PHF20L1: variants seen among roughly 807,000 people sequenced by gnomAD.
The protein encoded by PHF20L1 is PHD finger protein 20 like 1.
A neutral mutation model predicts 125.5 loss-of-function variants in PHF20L1; 44 were observed. The observed-to-expected ratio is 0.35, with a 90% confidence interval of 0.28 to 0.45. The LOEUF (loss-of-function observed/expected upper bound fraction) is 0.45. Among genes scored for constraint, PHF20L1 ranks in the 20% least tolerant of loss-of-function variants. PHF20L1 has a pLI of 1.00. For synonymous variants in PHF20L1, 380 were observed against 403.1 expected (o/e 0.94, Z 0.69); for missense variants, 1,012 against 1,217.2 (o/e 0.83, Z 2.51).
At chr8:132,783,739 G>A (rs1830695642) in intron 2 of PHF20L1, among the ~76,000 whole-genome samples, 1 of 152,072 alleles carries the variant, frequency 6.6e-6, no homozygotes, top group East Asian at 1.9e-4. Flanking sequence ...ATTATTTTGA[G>A]TCATTACCTT....
chr8:132,835,246 C>G (rs1837222246), intron 15 of PHF20L1, among the ~76,000 whole-genome samples: 1 of 152,052 alleles, frequency 6.6e-6, no homozygotes, highest in African/African-American at 2.4e-5. Flanking sequence ...TTCTGATATT[C>G]TAGTAAGAGA....
rs201122244 is a variant in PHF20L1 at position 132,839,432 on chromosome 8, A to G, written c.2237A>G (p.Asn746Ser). Residue 746 changes from asparagine (N) to serine (S), a missense_variant, in exon 18 of 21, where the codon AAT becomes AGT. Physicochemically the swap from Asn to Ser is conservative, Grantham distance 46 (BLOSUM62 1). Around this residue, in one of 7 missense-constraint regions of PHF20L1, gnomAD observed 55 missense variants for 114.8 expected, o/e 0.48. Coordinates refer to ENST00000395386, the MANE Select transcript of PHF20L1 (RefSeq NM_016018.5). ...TATCGTTATGATAAGGAGTGGTTGA[A>G]TAATGGGAGAATGTGCGGGTTATCA... ...AKYRYDKEWLNNGRMCGLSFF... is the reference protein window; with the variant it reads ...AKYRYDKEWLSNGRMCGLSFF... 69 of 1,613,396 alleles carry G rather than the reference A, an allele frequency of 4.3e-5. No homozygotes were observed. The highest frequency in any genetic ancestry group is 4.0e-5 in the Non-Finnish European group (47 of 1,179,556).
intron 14 of PHF20L1, among the ~76,000 whole-genome samples, chr8:132,831,387 A>G (rs915945826): frequency 2.6e-5 from 4 of 151,636 alleles, no homozygotes; most frequent in Admixed American, 2.0e-4. Flanking sequence ...TTCCCTTACT[A>G]TACCCTCAAC....
At chr8:132,811,792 G>T in intron 9 of PHF20L1, 1 of 984,750 alleles carries the variant, frequency 1.0e-6, no homozygotes. Context: ...GGCACTGTAA[G>T]ACTATAAGAA....
At chr8:132,797,615 A>G (rs1255198463) in intron 4 of PHF20L1, among the ~76,000 whole-genome samples, 1 of 152,052 alleles carries the variant, frequency 6.6e-6, no homozygotes, top group African/African-American at 2.4e-5. Flanking sequence ...GGCATTCTCA[A>G]AATTTTTCCA....
intron 14 of PHF20L1, among the ~76,000 whole-genome samples, chr8:132,825,592 T>C (rs2131787543): frequency 6.6e-6 from 1 of 152,166 alleles, no homozygotes; most frequent in Non-Finnish European, 1.5e-5. Flanking sequence ...TTGTTGCAAC[T>C]GATTAGACAT....
intron 4 of PHF20L1, among the ~76,000 whole-genome samples, chr8:132,798,229 A>C (rs1245758168): frequency 6.6e-6 from 1 of 151,978 alleles, no homozygotes; most frequent in Non-Finnish European, 1.5e-5. Flanking sequence ...TGAGCTACTT[A>C]TGAAGACTTT....
chr8:132,842,511 T>A lies in PHF20L1; in HGVS notation c.2388-4T>A, dbSNP rs1838038024. 3 of 1,567,056 alleles carry A rather than the reference T, an allele frequency of 1.9e-6. 1 individual carries two copies. The East Asian group carries it at 6.7e-5, about 35-fold the overall frequency. On this transcript the variant is annotated splice_polypyrimidine_tract_variant and splice_region_variant and intron_variant, in intron 18 of 20. Coordinates refer to ENST00000395386, the MANE Select transcript of PHF20L1 (RefSeq NM_016018.5). ...AACTGCTGTTTTTCCAACTTTGTTT[T>A]AAGGAATAAACATCATCCTGACCTT...
In PHF20L1 at chr8:132,835,137, C is replaced by T. The variant is rs944488734; in HGVS notation, c.1910-1403C>T. On this transcript the variant is annotated intron_variant, in intron 15 of 20. Transcript: ENST00000395386. ...TCTCTCTCTGACTCTCTCCTTAGTTCTTCTACAAACATTCTGGAGTGGCTA... is the reference window on the plus strand; with the variant it reads ...TCTCTCTCTGACTCTCTCCTTAGTTTTTCTACAAACATTCTGGAGTGGCTA... 2.6e-5 allele frequency among the ~76,000 whole-genome samples: 4 copies of T among 152,104 alleles called. No homozygotes were observed. The East Asian group carries it at 5.8e-4, about 22-fold the overall frequency.
intron 19 of PHF20L1, 145 bp downstream of exon 19, chr8:132,843,020 T>A: frequency 7.2e-7 from 1 of 1,397,652 alleles, no homozygotes; most frequent in Non-Finnish European, 9.3e-7. Flanking sequence ...GATTTTTTTG[T>A]TTTCTCTACA....
intron 2 of PHF20L1, among the ~76,000 whole-genome samples, chr8:132,785,810 C>T (rs1830955899): frequency 6.6e-6 from 1 of 151,804 alleles, no homozygotes; most frequent in South Asian, 2.1e-4. Flanking sequence ...TTTCTTATTG[C>T]CAAAAAAGTT....
chr8:132,811,731 T>C, intron 9 of PHF20L1: 7 of 985,266 alleles, frequency 7.1e-6, no homozygotes, highest in Non-Finnish European at 4.8e-6. Flanking sequence ...ACAATACTTG[T>C]ACATAATGAA....
Position 132,845,964 on chromosome 8 carries a change from T to C in PHF20L1, c.*41T>C, listed in dbSNP as rs773300920. Reference sequence around the variant, plus strand: ...AATGAAAGAATGTGGCTTTCTTCAGTCAAAGCATTTTTATTATCCACGTGA... The same window carrying C: ...AATGAAAGAATGTGGCTTTCTTCAGCCAAAGCATTTTTATTATCCACGTGA... On this transcript the variant is annotated 3_prime_UTR_variant, in exon 21 of 21. Transcript: ENST00000395386. 11 of 1,540,286 alleles carry C rather than the reference T, an allele frequency of 7.1e-6. No individual in the cohort carries two copies. The highest frequency in any genetic ancestry group is 9.8e-6 in the Non-Finnish European group (11 of 1,121,336).
chr8:132,817,055 C>A lies in PHF20L1; in HGVS notation c.1351C>A (p.Gln451Lys). ...ATTCTCCATCAGTTCTCAAAATCAGCAAGAATCTTCAGTACCAGAGGGTAA... is the reference window on the plus strand; with the variant it reads ...ATTCTCCATCAGTTCTCAAAATCAGAAAGAATCTTCAGTACCAGAGGGTAA... ...KVFSISSQNQ[Q>K]ESSVPEVPDV... The change falls in exon 11 of 21, where the codon CAA becomes AAA. Residue 451 changes from glutamine to lysine, a missense_variant. Physicochemically the swap from Gln to Lys is moderately conservative, Grantham distance 53. Transcript: ENST00000395386. 1 of 1,582,464 alleles carries A rather than the reference C, an allele frequency of 6.3e-7. No individual in the cohort carries two copies. Among genetic ancestry groups the A allele is most frequent in the Non-Finnish European group, 8.6e-7 (1 of 1,164,564 alleles).
chr8:132,848,467 T>C lies in PHF20L1; in HGVS notation c.*2544T>C, dbSNP rs1378474012. On this transcript the variant is annotated 3_prime_UTR_variant, in exon 21 of 21. Transcript: ENST00000395386. ...CTTTTTAAATATCACTATATGTATTTAAATAGAAGCAATAAACTAGAGAGA... is the reference window on the plus strand; with the variant it reads ...CTTTTTAAATATCACTATATGTATTCAAATAGAAGCAATAAACTAGAGAGA... 1 of 152,572 alleles carries C rather than the reference T, an allele frequency of 6.6e-6. No individual in the cohort carries two copies. Among genetic ancestry groups the C allele is most frequent in the Non-Finnish European group, 1.5e-5 (1 of 67,964 alleles). The allele number at this position is 152,572 out of a possible 1,614,324, so 9.5% of individuals were successfully genotyped here.
chr8:132,808,027 A>G (rs1315873633), intron 8 of PHF20L1: 1 of 174,986 alleles, frequency 5.7e-6, no homozygotes, highest in African/African-American at 2.4e-5. Flanking sequence ...AAGATAACAG[A>G]TTTTGGACTG....
At chr8:132,841,355 A>T (rs1236085437) in intron 18 of PHF20L1, among the ~76,000 whole-genome samples, 1 of 151,984 alleles carries the variant, frequency 6.6e-6, no homozygotes, top group African/African-American at 2.4e-5. Context: ...GGACTATTGG[A>T]CTGCAGTGCC....
rs1389245206 is a variant in PHF20L1, at chr8:132,798,873, A to G, written c.429+13A>G. 6.5e-7 allele frequency: 1 copy of G among 1,550,212 alleles called. No homozygotes were observed. Among genetic ancestry groups the G allele is most frequent in the African/African-American group, 1.4e-5 (1 of 73,494 alleles). On this transcript the variant is annotated intron_variant, in intron 5 of 20. Coordinates refer to ENST00000395386, the MANE Select transcript of PHF20L1 (RefSeq NM_016018.5). ...TGCTAAGGGGCAGGTAAGAGTGTTC[A>G]GTATTCCTAGCTACCCAAAGGGTTA...
rs779847185 is a variant in PHF20L1 at position 132,823,242 on chromosome 8, G to A, written c.1580-762G>A. On this transcript the variant is annotated intron_variant, in intron 12 of 20. Coordinates refer to ENST00000395386, the MANE Select transcript of PHF20L1 (RefSeq NM_016018.5). Reference sequence around the variant, plus strand: ...TATCATTACCTAACAGTGCATTCATGATGGAGTTCAAAGGTACAAGTTTGT... The same window carrying A: ...TATCATTACCTAACAGTGCATTCATAATGGAGTTCAAAGGTACAAGTTTGT... Among the ~76,000 whole-genome samples, 9 of 152,092 alleles carry A rather than the reference G, an allele frequency of 5.9e-5. 1 individual carries two copies. The highest frequency in any genetic ancestry group is 3.4e-3 in the Middle Eastern group (1 of 294).
Sources: gnomAD v4.1 joint callset for allele counts (sites outside exome capture counted in the v4.1 genomes callset) on GRCh38, gnomAD v4.1.1 for gene constraint, gnomAD v4.1.1 regional missense constraint, MANE v1.5 for transcripts, NCBI Gene and HGNC (gene_info 2026-07-23, HGNC 2026-07-21) for gene names.